The following CFAP20DC variants were observed in gnomAD, a reference collection of about 807,000 sequenced individuals.
The protein encoded by CFAP20DC is CFAP20 domain containing.
Under a neutral mutation model 101.7 loss-of-function variants are expected in CFAP20DC, and 84 were observed. The observed-to-expected ratio is 0.83, with a 90% CI of 0.69 to 0.99. The LOEUF is 0.99. CFAP20DC is among the 50% of genes least tolerant of loss of function. The pLI is 0.00. For synonymous variants in CFAP20DC, 359 were observed against 351.2 expected, an observed-to-expected ratio of 1.02 and a Z score of -0.25; for missense variants, 1,007 against 970.3, an observed-to-expected ratio of 1.04 and a Z score of -0.50.
At chr3:58,762,331 T>C (rs1452283932) in intron 15 of CFAP20DC, among the ~76,000 whole-genome samples, 2 of 152,216 alleles carry the variant, frequency 1.3e-5, no homozygotes, top group East Asian at 1.9e-4. Flanking sequence ...TGGTTTAAAG[T>C]CTGTTTTATC....
chr3:58,777,305 A>G (rs1244116038), intron 15 of CFAP20DC, among the ~76,000 whole-genome samples: 1 of 152,192 alleles, frequency 6.6e-6, no homozygotes, highest in Non-Finnish European at 1.5e-5. Context: ...TCTTACATGT[A>G]CTGATTGATG....
At chr3:58,855,666 T>A (rs527732319) in intron 12 of CFAP20DC, among the ~76,000 whole-genome samples, 97 of 152,144 alleles carry the variant, frequency 6.4e-4, no homozygotes, top group Middle Eastern at 3.4e-3. Context: ...TAAAAAATGA[T>A]GAGTTCATGT....
Position 59,041,038 on chromosome 3 carries a change from A to T in CFAP20DC, c.206-1409T>A, listed in dbSNP as rs537316015. Among the ~76,000 whole-genome samples, 7 of 152,236 alleles carry T rather than the reference A, an allele frequency of 4.6e-5. No individual in the cohort carries two copies. In the South Asian group the frequency reaches 1.4e-3, roughly 32 times the overall value. On this transcript the variant is annotated intron_variant, in intron 3 of 16. Coordinates refer to ENST00000482387, the MANE Select transcript of CFAP20DC (RefSeq NM_001394063.1). ...AGCTCTGGTCTACAAAAGCAAAGTG[A>T]GATACCAAAATGAGGCCAACTTAAA...
intron 4 of CFAP20DC, among the ~76,000 whole-genome samples, chr3:58,987,025 G>C (rs953276373): frequency 2.0e-5 from 3 of 151,868 alleles, no homozygotes; most frequent in African/African-American, 4.8e-5. Context: ...AGCCAAATAG[G>C]GTTCTAGAAA....
At chr3:58,780,430 G>A (rs1181026455) in intron 15 of CFAP20DC, among the ~76,000 whole-genome samples, 1 of 151,924 alleles carries the variant, frequency 6.6e-6, no homozygotes, top group Non-Finnish European at 1.5e-5. Flanking sequence ...ACAGAAATAA[G>A]CCCACATGTG....
chr3:59,025,204 A>T (rs2093872935), intron 4 of CFAP20DC, among the ~76,000 whole-genome samples: 1 of 152,154 alleles, frequency 6.6e-6, no homozygotes, highest in Non-Finnish European at 1.5e-5. Context: ...TAAATAAATA[A>T]CTAGCATCCA....
At chr3:58,834,377 C>G (rs1271042991) in intron 13 of CFAP20DC, among the ~76,000 whole-genome samples, 3 of 152,074 alleles carry the variant, frequency 2.0e-5, no homozygotes, top group Admixed American at 6.5e-5. Context: ...CTCATCATTG[C>G]CAATACACAC....
intron 4 of CFAP20DC, among the ~76,000 whole-genome samples, chr3:58,965,692 G>A (rs1269408009): frequency 6.6e-6 from 1 of 152,082 alleles, no homozygotes; most frequent in Non-Finnish European, 1.5e-5. Context: ...AATGTTATCT[G>A]TATAGCTAAA....
intron 4 of CFAP20DC, among the ~76,000 whole-genome samples, chr3:58,992,123 T>A (rs1304925970): frequency 6.6e-6 from 1 of 152,172 alleles, no homozygotes; most frequent in Non-Finnish European, 1.5e-5. Context: ...AGAGGTTAAA[T>A]GACATGCCTA....
intron 4 of CFAP20DC, among the ~76,000 whole-genome samples, chr3:58,969,262 G>A (rs1576528672): frequency 6.6e-6 from 1 of 152,138 alleles, no homozygotes; most frequent in Admixed American, 6.6e-5. Context: ...TTAATCAACA[G>A]TGAAATGTAA....
intron 15 of CFAP20DC, among the ~76,000 whole-genome samples, chr3:58,797,936 T>C (rs2073379585): frequency 6.6e-6 from 1 of 152,124 alleles, no homozygotes; most frequent in Admixed American, 6.5e-5. Context: ...ATACTGAATA[T>C]CTTGAGCCTA....
At chr3:58,949,390 A>G (rs1184122150) in intron 4 of CFAP20DC, among the ~76,000 whole-genome samples, 1 of 152,046 alleles carries the variant, frequency 6.6e-6, no homozygotes, top group Non-Finnish European at 1.5e-5. Flanking sequence ...TGTCAATTTT[A>G]GATCTTTCCT....
intron 4 of CFAP20DC, among the ~76,000 whole-genome samples, chr3:58,943,087 A>G (rs1379300888): frequency 2.0e-5 from 3 of 152,214 alleles, no homozygotes; most frequent in Non-Finnish European, 4.4e-5. Flanking sequence ...AGGCACTTAT[A>G]GATAAAATTC....
At chr3:58,837,742 T>A (rs868106347) in intron 13 of CFAP20DC, among the ~76,000 whole-genome samples, 2 of 152,172 alleles carry the variant, frequency 1.3e-5, no homozygotes, top group South Asian at 2.1e-4. Flanking sequence ...ATTAAAAACT[T>A]TATAGCTGTC....
chr3:58,822,428 G>A (rs967714909), intron 14 of CFAP20DC, among the ~76,000 whole-genome samples: 5 of 150,500 alleles, frequency 3.3e-5, no homozygotes, highest in Admixed American at 6.6e-5. Flanking sequence ...CACACTCTGG[G>A]GACTGTTGTG....
intron 4 of CFAP20DC, among the ~76,000 whole-genome samples, chr3:59,038,082 A>AACATGG (rs1290732590): frequency 6.6e-6 from 1 of 152,070 alleles, no homozygotes; most frequent in African/African-American, 2.4e-5. Context: ...ACAATGAGAA[A>AACATGG]ACATGGACAC....
intron 1 of CFAP20DC, among the ~76,000 whole-genome samples, chr3:59,049,081 A>T (rs1700106369): frequency 1.3e-5 from 2 of 152,202 alleles, no homozygotes; most frequent in African/African-American, 4.8e-5. Context: ...GCACGTTTAC[A>T]AGCACCCCAA....
Position 59,002,376 on chromosome 3 carries a change from G to A in CFAP20DC, c.278+37181C>T, listed in dbSNP as rs1209938351. 1.3e-5 allele frequency among the ~76,000 whole-genome samples: 2 copies of A among 152,072 alleles called. No individual in the cohort carries two copies. Among genetic ancestry groups the A allele is most frequent in the African/African-American group, 4.8e-5 (2 of 41,412 alleles). ...TTGGAAAAATTAATGCTTCTAAATG[G>A]CATAACCAAAATGACTTTATGCAAG... On this transcript the variant is annotated intron_variant, in intron 4 of 16. Coordinates refer to ENST00000482387, the MANE Select transcript of CFAP20DC (RefSeq NM_001394063.1). The surrounding 1 kb of genome is among the most constrained non-coding windows in gnomAD (Gnocchi z 4.5).
chr3:58,759,256 T>A (rs1419147526), intron 15 of CFAP20DC, among the ~76,000 whole-genome samples: 4 of 152,220 alleles, frequency 2.6e-5, no homozygotes, highest in East Asian at 1.9e-4. Context: ...GGTATCTCAT[T>A]GTGGTTTTGA....
Sources: allele counts gnomAD v4.1 joint callset (sites outside exome capture counted in the v4.1 genomes callset), GRCh38; gene constraint gnomAD v4.1.1; non-coding constraint Gnocchi (gnomAD v3.1); transcripts MANE v1.5; gene names NCBI Gene and HGNC (gene_info 2026-07-23, HGNC 2026-07-21).